The following AGBL4 variants were observed in gnomAD, a reference collection of about 807,000 sequenced individuals.
AGBL4 encodes AGBL carboxypeptidase 4.
AGBL4 carries 58 observed loss-of-function variants against 66.4 expected under a neutral mutation model. That is an observed-to-expected ratio of 0.87 (90% CI 0.71 to 1.09). AGBL4 has a LOEUF of 1.09. Among genes scored for constraint, AGBL4 ranks in the 50% least tolerant of loss-of-function variants. The pLI is 0.00. For synonymous variants in AGBL4, 234 were observed against 222.9 expected (o/e 1.05, Z -0.44); for missense variants, 579 against 631.0 (o/e 0.92, Z 0.88).
intron 1 of AGBL4, among the ~76,000 whole-genome samples, chr1:49,893,182 A>G (rs1206483890): frequency 6.6e-6 from 1 of 152,140 alleles, no homozygotes; most frequent in Non-Finnish European, 1.5e-5. Context: ...ATACCCAGCT[A>G]TATCTTTTAG....
chr1:49,033,416 A>G (rs918782650), intron 5 of AGBL4, among the ~76,000 whole-genome samples: 21 of 152,158 alleles, frequency 1.4e-4, no homozygotes, highest in African/African-American at 5.1e-4. Context: ...TTGCTTGGTC[A>G]TGTATCCAGT....
In AGBL4 at chr1:49,117,410, G is replaced by A. The variant is rs377712023; in HGVS notation, c.378-71610C>T. ...TTAATTTTTGTATAAGGTGTAAGGAGGGGATCCAGTTTCAGCTTTCTACAT... is the reference window on the plus strand; with the variant it reads ...TTAATTTTTGTATAAGGTGTAAGGAAGGGATCCAGTTTCAGCTTTCTACAT... On this transcript the variant is annotated intron_variant, in intron 4 of 13. Transcript: ENST00000371839. 3.6e-4 allele frequency among the ~76,000 whole-genome samples: 54 copies of A among 152,010 alleles called. 1 individual carries two copies. In the South Asian group the frequency reaches 9.5e-3, roughly 27 times the overall value.
At chr1:49,109,132 T>G (rs1238611247) in intron 4 of AGBL4, among the ~76,000 whole-genome samples, 3 of 152,204 alleles carry the variant, frequency 2.0e-5, no homozygotes, top group Admixed American at 6.5e-5. Context: ...CTGCTCTAAG[T>G]GTAATAGCAG....
intron 5 of AGBL4, among the ~76,000 whole-genome samples, chr1:48,947,630 A>C (rs905230142): frequency 3.3e-5 from 5 of 152,236 alleles, no homozygotes; most frequent in African/African-American, 1.2e-4. Context: ...AAAAAGAAGA[A>C]TATCAACCTA....
At chr1:49,259,549 A>C (rs1468506845) in intron 3 of AGBL4, among the ~76,000 whole-genome samples, 1 of 144,036 alleles carries the variant, frequency 6.9e-6, no homozygotes, top group Non-Finnish European at 1.5e-5. Context: ...AAAGATCAAA[A>C]GAGACAAAGA....
At chr1:49,961,455 T>C (rs1033956544) in intron 1 of AGBL4, among the ~76,000 whole-genome samples, 2 of 151,978 alleles carry the variant, frequency 1.3e-5, no homozygotes, top group Non-Finnish European at 2.9e-5. Context: ...CAGTAAGCTA[T>C]GATCATGCCA....
At chr1:48,866,726 A>G (rs1161789500) in intron 6 of AGBL4, among the ~76,000 whole-genome samples, 1 of 152,158 alleles carries the variant, frequency 6.6e-6, no homozygotes, top group Non-Finnish European at 1.5e-5. Flanking sequence ...CTTAAAAGTG[A>G]GAGACAAAAG....
intron 5 of AGBL4, among the ~76,000 whole-genome samples, chr1:49,039,628 T>C (rs1163003363): frequency 1.3e-5 from 2 of 152,100 alleles, no homozygotes; most frequent in Non-Finnish European, 2.9e-5. Flanking sequence ...GCTGGAAAAA[T>C]TTGTTATCAT....
chr1:48,564,136 C>G (rs1364340040), intron 11 of AGBL4, among the ~76,000 whole-genome samples: 1 of 152,124 alleles, frequency 6.6e-6, no homozygotes, highest in Non-Finnish European at 1.5e-5. Context: ...CATTGCACAG[C>G]CTCTGCCCCT....
intron 5 of AGBL4, among the ~76,000 whole-genome samples, chr1:48,951,194 G>A (rs1656956111): frequency 6.6e-6 from 1 of 152,154 alleles, no homozygotes; most frequent in African/African-American, 2.4e-5. Context: ...GTCAGTCCAT[G>A]TGGACTGGCA....
intron 3 of AGBL4, among the ~76,000 whole-genome samples, chr1:49,470,502 C>G (rs1260922684): frequency 6.6e-6 from 1 of 151,880 alleles, no homozygotes; most frequent in Non-Finnish European, 1.5e-5. Context: ...AGTGTCATTA[C>G]CAAATAGGTT....
intron 2 of AGBL4, among the ~76,000 whole-genome samples, chr1:49,736,556 A>G (rs1010372253): frequency 3.9e-5 from 6 of 152,166 alleles, no homozygotes; most frequent in Non-Finnish European, 8.8e-5. Flanking sequence ...ATTAAAACAC[A>G]GCATACTAAA....
At chr1:48,780,741 CTG>C (rs1298592059) in intron 6 of AGBL4, among the ~76,000 whole-genome samples, 6 of 152,166 alleles carry the variant, frequency 3.9e-5, no homozygotes, top group African/African-American at 1.2e-4. Flanking sequence ...AAAACTAAAA[CTG>C]GACCCCCTCC....
intron 3 of AGBL4, among the ~76,000 whole-genome samples, chr1:49,353,748 G>C (rs1643959402): frequency 6.6e-6 from 1 of 152,130 alleles, no homozygotes; most frequent in Non-Finnish European, 1.5e-5. Flanking sequence ...AGAGTGGCAG[G>C]CGGCAGAGCG....
chr1:49,691,243 T>G (rs1480811405), intron 3 of AGBL4: 3 of 152,324 alleles, frequency 2.0e-5, no homozygotes, highest in Non-Finnish European at 2.9e-5. Context: ...CATACTGAGG[T>G]CTGGGCAGAT....
intron 1 of AGBL4, among the ~76,000 whole-genome samples, chr1:49,879,269 A>C (rs1382462744): frequency 6.7e-6 from 1 of 149,448 alleles, no homozygotes; most frequent in Admixed American, 6.7e-5. Flanking sequence ...TGGTCTTTAC[A>C]TTTTGGCATG....
At chr1:49,798,251 T>G (rs1034747784) in intron 2 of AGBL4, among the ~76,000 whole-genome samples, 1 of 152,198 alleles carries the variant, frequency 6.6e-6, no homozygotes, top group Non-Finnish European at 1.5e-5. Context: ...TTTTTAAAAT[T>G]AAAGATAACA....
chr1:49,665,964 C>A (rs1646357438), intron 3 of AGBL4, among the ~76,000 whole-genome samples: 1 of 150,362 alleles, frequency 6.7e-6, no homozygotes, highest in Non-Finnish European at 1.5e-5. Context: ...CACACTAAAT[C>A]TTTTTTAAAT....
intron 5 of AGBL4, among the ~76,000 whole-genome samples, chr1:48,878,347 C>G (rs1649422125): frequency 6.6e-6 from 1 of 152,178 alleles, no homozygotes; most frequent in South Asian, 2.1e-4. Flanking sequence ...TTTCTGGCCC[C>G]AGCTTTGCCA....
Sources: gnomAD v4.1 joint callset for allele counts (sites outside exome capture counted in the v4.1 genomes callset) on GRCh38, gnomAD v4.1.1 for gene constraint, MANE v1.5 for transcripts, NCBI Gene and HGNC (gene_info 2026-07-23, HGNC 2026-07-21) for gene names.